The following PLK2 variants were observed in gnomAD, a reference collection of about 807,000 sequenced individuals.
PLK2 encodes the protein polo like kinase 2, also known as serine/threonine-protein kinase PLK2.
A neutral mutation model predicts 78.1 loss-of-function variants in PLK2; 25 were observed. The observed-to-expected ratio is 0.32, with a 90% confidence interval of 0.23 to 0.45. The LOEUF is 0.45. Among genes scored for constraint, PLK2 ranks in the 20% least tolerant of loss-of-function variants. The pLI is 1.00. For synonymous variants in PLK2, 332 were observed against 298.2 expected (o/e 1.11, Z -1.17); for missense variants, 566 against 840.2 (o/e 0.67, Z 4.04).
At chr5:58,456,647 G>T (rs1579964388) in intron 8 of PLK2, 58 bp from the exon 9 acceptor site, 2 of 1,096,088 alleles carry the variant, frequency 1.8e-6, no homozygotes, top group East Asian at 2.4e-5. Flanking sequence ...GTAGGAACAG[G>T]GTTAGTCATA....
rs199898431 is a variant in PLK2 at position 58,455,818 on chromosome 5, T to C, written c.1385-39A>G. ...CAGAAATGTTTCAAGTTATACAATA[T>C]TTTAGCAATAAAACCTCAGGCTTTG... On this transcript the variant is annotated intron_variant, in intron 10 of 13. Coordinates refer to ENST00000274289, the MANE Select transcript of PLK2 (RefSeq NM_006622.4). 63 of 1,605,170 alleles carry C rather than the reference T, an allele frequency of 3.9e-5. No individual in the cohort carries two copies. In the African/African-American group the frequency reaches 7.5e-4, roughly 19 times the overall value.
chr5:58,458,160 TA>T lies in PLK2; in HGVS notation c.636del (p.Phe212LeufsTer8). The T allele has an allele frequency of 1.9e-6, 3 of 1,610,108 alleles. No homozygotes were observed. Among genetic ancestry groups the T allele is most frequent in the African/African-American group, 1.3e-5 (1 of 74,930 alleles). On this transcript the variant is annotated frameshift_variant, in exon 5 of 14. Transcript: ENST00000274289. LOFTEE classifies it high-confidence loss of function. The part of the protein sequence containing the change: ...LHRDLKLGNF[F>X]INEAMELKVG... ...ACTTTTAGTTCCATGGCTTCATTAATAAAAAAGTTCCCTAGACGATAAACAA... is the reference window on the plus strand; with the variant it reads ...ACTTTTAGTTCCATGGCTTCATTAATAAAAAGTTCCCTAGACGATAAACAA...
Position 58,459,015 on chromosome 5 carries a change from G to C in PLK2, c.348C>G (p.Ser116Arg), listed in dbSNP as rs1394922511. 1 of 1,607,966 alleles carries C rather than the reference G, an allele frequency of 6.2e-7. No homozygotes were observed. Among genetic ancestry groups the C allele is most frequent in the East Asian group, 2.2e-5 (1 of 44,814 alleles). Reference protein sequence around the residue: ...KVYAAKIIPHSRVAKPHQREK... With the variant: ...KVYAAKIIPHRRVAKPHQREK... Reference sequence around the variant, plus strand: ...CCCTTTGATGAGGTTTAGCTACTCTGCTGTGAGGAATAATTTTTGCGGCGT... The same window carrying C: ...CCCTTTGATGAGGTTTAGCTACTCTCCTGTGAGGAATAATTTTTGCGGCGT... Residue 116 changes from serine (S) to arginine (R), a missense_variant, in exon 2 of 14, where the codon AGC becomes AGG. This residue lies in a region of PLK2 where 179 missense variants were observed against 342.3 expected (regional missense o/e 0.52). Transcript: ENST00000274289.
chr5:58,454,270 G>A lies in PLK2; in HGVS notation c.*313C>T. ...CAGGAAGTATATTCACAGTTCCAAA[G>A]TCCTCTGGCTGAAATGCTCTCAACA... is the stretch of plus-strand genomic sequence containing the variant. On this transcript the variant is annotated 3_prime_UTR_variant, in exon 14 of 14. Transcript: ENST00000274289. 1 of 224,964 alleles carries A rather than the reference G, an allele frequency of 4.4e-6. No individual in the cohort carries two copies. 13.9% of individuals were successfully genotyped at this position (224,964 alleles called of 1,614,324 possible).
At chr5:58,456,246 C>A in intron 9 of PLK2, 91 bp from the exon 10 acceptor site, 1 of 1,263,556 alleles carries the variant, frequency 7.9e-7, no homozygotes, top group Non-Finnish European at 1.1e-6. Flanking sequence ...GAGGCAATTG[C>A]TGGGAAAGCT....
In PLK2 at chr5:58,458,125, G is replaced by C; in HGVS notation, c.672C>G (p.Phe224Leu). Residue 224 changes from phenylalanine (F) to leucine (L), a missense_variant, in exon 5 of 14, where the codon TTC (phenylalanine) becomes TTG (leucine). Transcript: ENST00000274289. ...AGGGTTCTAGCCTGGCTGCCAGACC[G>C]AAGTCCCCAACTTTTAGTTCCATGG... ...NEAMELKVGD[F>L]GLAARLEPLE... is the part of the protein sequence containing the mutation. 1 of 1,613,398 alleles carries C rather than the reference G, an allele frequency of 6.2e-7. No individual in the cohort carries two copies. The highest frequency in any genetic ancestry group is 1.1e-5 in the South Asian group (1 of 91,068).
chr5:58,459,388 A>T, intron 1 of PLK2: 1 of 562,386 alleles, frequency 1.8e-6, no homozygotes, highest in South Asian at 2.4e-5. Context: ...TTGTCAGGAA[A>T]ATTCCCTGGG....
chr5:58,455,801 T>C (rs755327445), intron 10 of PLK2, 22 bp from the exon 11 acceptor site: 1 of 1,609,902 alleles, frequency 6.2e-7, no homozygotes, highest in African/African-American at 1.3e-5. Flanking sequence ...GACAGAAATG[T>C]TTCAAGTTAT....
In PLK2 at chr5:58,454,074, GTAA is replaced by G. The variant is rs1186140912; in HGVS notation, c.*506_*508del. 2.0e-5 allele frequency: 3 copies of G among 152,594 alleles called. No individual in the cohort carries two copies. The highest frequency in any genetic ancestry group is 4.8e-5 in the African/African-American group (2 of 41,402). The allele number at this position is 152,594 out of a possible 1,614,324, so 9.5% of individuals were successfully genotyped here. ...GATAATAAATACTGCTCTTTGGGCT[GTAA>G]TAAATAAAAAGTTTATTAACAAGGA... On this transcript the variant is annotated 3_prime_UTR_variant, in exon 14 of 14. Coordinates refer to ENST00000274289, the MANE Select transcript of PLK2 (RefSeq NM_006622.4).
At position 58,458,721 on chromosome 5, in the gene PLK2, T is replaced by G. The variant is rs1353146122; in HGVS notation, c.495+4A>C. ...AATGTTCTCAAATAGGAGTTGACACTTACCCTTCTACTGCAGTATTCCAAG... is the reference window on the plus strand; with the variant it reads ...AATGTTCTCAAATAGGAGTTGACACGTACCCTTCTACTGCAGTATTCCAAG... On this transcript the variant is annotated splice_donor_region_variant and intron_variant, in intron 3 of 13. Coordinates refer to ENST00000274289, the MANE Select transcript of PLK2 (RefSeq NM_006622.4). 1 of 1,442,998 alleles carries G rather than the reference T, an allele frequency of 6.9e-7. No individual in the cohort carries two copies. The allele number at this position is 1,442,998 out of a possible 1,614,324, so 89.4% of individuals were successfully genotyped here.
In PLK2 at chr5:58,457,511, G is replaced by A. The variant is rs1743641959; in HGVS notation, c.786C>T (p.Asp262=). 1.2e-6 allele frequency: 2 copies of A among 1,612,382 alleles called. No individual in the cohort carries two copies. The highest frequency in any genetic ancestry group is 1.7e-6 in the Non-Finnish European group (2 of 1,178,500). Reference sequence around the variant, plus strand: ...ACATTACACAGCCCAGGGCCCAAATGTCTGATTCACAGCCATGTCCTTGTT... The same window carrying A: ...ACATTACACAGCCCAGGGCCCAAATATCTGATTCACAGCCATGTCCTTGTT... ...LNKQGHGCES[D]IWALGCVMYT... Residue 262 remains aspartate (D), a synonymous_variant, in exon 6 of 14, where the codon GAC becomes GAT. Coordinates refer to ENST00000274289, the MANE Select transcript of PLK2 (RefSeq NM_006622.4).
rs1401228016 is a variant in PLK2, at chr5:58,454,689, A to G, written c.1952T>C (p.Ile651Thr). 1 of 1,613,350 alleles carries G rather than the reference A, an allele frequency of 6.2e-7. No individual in the cohort carries two copies. The highest frequency in any genetic ancestry group is 1.7e-5 in the Admixed American group (1 of 60,022). Residue 651 changes from isoleucine to threonine, a missense_variant, in exon 14 of 14, where the codon ATA (isoleucine) becomes ACA (threonine). Coordinates refer to ENST00000274289, the MANE Select transcript of PLK2 (RefSeq NM_006622.4). ...YLLTYINEDR[I>T]STTFRLTTLL... is the part of the protein sequence containing the mutation. ...AGTTGTCAGCCTGAAAGTTGTAGAT[A>G]TCCTATCCTCATTGATGTAGGTGAG...
chr5:58,457,948 A>G (rs909009224), intron 5 of PLK2, 136 bp downstream of exon 5: 12 of 712,444 alleles, frequency 1.7e-5, no homozygotes, highest in African/African-American at 3.5e-5. Flanking sequence ...TGGGCATTTA[A>G]TAAGTATTTC....
chr5:58,456,531 A>G lies in PLK2; in HGVS notation c.1215T>C (p.Thr405=), dbSNP rs989489528. The G allele has an allele frequency of 1.9e-6, 3 of 1,612,620 alleles. No individual in the cohort carries two copies. The highest frequency in any genetic ancestry group is 1.1e-5 in the South Asian group (1 of 91,048). ...IYKLRHDLKK[T]SITQQPSKHR... is the part of the protein sequence containing the mutation. ...GTTTGCTGGGTTGCTGAGTTATTGA[A>G]GTCTTTTTCAAATCATGCCTAAGCT... The change falls in exon 9 of 14, where the codon ACT becomes ACC. Residue 405 remains threonine, a synonymous_variant. Coordinates refer to ENST00000274289, the MANE Select transcript of PLK2 (RefSeq NM_006622.4).
rs1353881529 is a variant in PLK2 at position 58,456,971 on chromosome 5, T to C, written c.1130A>G (p.Asp377Gly). 6 of 1,611,156 alleles carry C rather than the reference T, an allele frequency of 3.7e-6. No homozygotes were observed. The highest frequency in any genetic ancestry group is 2.7e-5 in the African/African-American group (2 of 74,828). ...AAAALFGGKK[D>G]KARYIDTHNR... ...ATGTGTGTCAATATATCTTGCTTTG[T>C]CTTTTTTGCCACCAAAAAGAGCAGC... The change falls in exon 8 of 14, where the codon GAC becomes GGC. Residue 377 changes from aspartate (D) to glycine (G), a missense_variant. Physicochemically the swap from Asp to Gly is moderately conservative, Grantham distance 94 (BLOSUM62 -1). Around this residue, in one of 5 missense-constraint regions of PLK2, gnomAD observed 129 missense variants for 156.0 expected, o/e 0.83. Coordinates refer to ENST00000274289, the MANE Select transcript of PLK2 (RefSeq NM_006622.4).
At position 58,458,766 on chromosome 5, in the gene PLK2, T is replaced by G; in HGVS notation, c.454A>C (p.Lys152Gln). 1 of 1,598,224 alleles carries G rather than the reference T, an allele frequency of 6.3e-7. No homozygotes were observed. The highest frequency in any genetic ancestry group is 8.6e-7 in the Non-Finnish European group (1 of 1,165,490). The change falls in exon 3 of 14, where the codon AAA becomes CAA. Residue 152 changes from lysine (K) to glutamine (Q), a missense_variant. Lys to Gln is a moderately conservative substitution (Grantham distance 53). This residue lies in a region of PLK2 where 179 missense variants were observed against 342.3 expected (regional missense o/e 0.52). Coordinates refer to ENST00000274289, the MANE Select transcript of PLK2 (RefSeq NM_006622.4). ...VVQFYHYFED[K>Q]ENIYILLEYC... ...TCCAAGAGAATGTAAATGTTTTCTT[T>G]GTCCTCGAAGTAGTGGTAAAACTGC...
At chr5:58,455,079 ATT>A (rs1743559534) in intron 12 of PLK2, 58 bp from the exon 13 acceptor site, 4 of 1,165,618 alleles carry the variant, frequency 3.4e-6, no homozygotes, top group Non-Finnish European at 3.8e-6. Context: ...CATGCACTCT[ATT>A]ATTATTCTAA....
rs760981688 is a variant in PLK2 at position 58,459,993 on chromosome 5, C to A, written c.-34G>T. The A allele has an allele frequency of 2.0e-5, 31 of 1,553,058 alleles. No homozygotes were observed. In the East Asian group the frequency reaches 6.8e-4, roughly 34 times the overall value. ...TGCCGCCCCGCACTGCCCGCTGCCA[C>A]CCCCTAGGCGCGGTCACACGTCCGA... On this transcript the variant is annotated 5_prime_UTR_variant, in exon 1 of 14. Coordinates refer to ENST00000274289, the MANE Select transcript of PLK2 (RefSeq NM_006622.4).
chr5:58,456,524 T>C lies in PLK2; in HGVS notation c.1222A>G (p.Thr408Ala). 6.2e-7 allele frequency: 1 copy of C among 1,612,386 alleles called. No homozygotes were observed. The highest frequency in any genetic ancestry group is 8.5e-7 in the Non-Finnish European group (1 of 1,178,492). ...LRHDLKKTSITQQPSKHRTDE... is the reference protein window; with the variant it reads ...LRHDLKKTSIAQQPSKHRTDE... ...GTCCTGTGTTTGCTGGGTTGCTGAG[T>C]TATTGAAGTCTTTTTCAAATCATGC... is the stretch of plus-strand genomic sequence containing the variant. The change falls in exon 9 of 14, where the codon ACT becomes GCT. Residue 408 changes from threonine to alanine, a missense_variant. Transcript: ENST00000274289.
Sources: allele counts gnomAD v4.1 joint callset, GRCh38; gene constraint gnomAD v4.1.1; regional missense constraint gnomAD v4.1.1; transcripts MANE v1.5; gene names NCBI Gene and HGNC (gene_info 2026-07-23, HGNC 2026-07-21).